Variants in ELP1 observed in about 807,000 individuals in gnomAD.
ELP1 encodes elongator complex protein 1.
Under a neutral mutation model 183.2 loss-of-function variants are expected in ELP1, and 131 were observed. That is an observed-to-expected ratio of 0.72 (90% CI 0.62 to 0.83). The LOEUF (loss-of-function observed/expected upper bound fraction) is 0.83. Ranked by LOEUF, ELP1 falls within the 40% of genes least tolerant of loss-of-function variation. ELP1 has a pLI of 0.00. For synonymous variants in ELP1, 555 were observed against 569.0 expected, an observed-to-expected ratio of 0.98 and a Z score of 0.35; for missense variants, 1,550 against 1,594.9, an observed-to-expected ratio of 0.97 and a Z score of 0.48.
chr9:108,900,487 T>G (rs2131989036), intron 18 of ELP1, 112 bp from the exon 19 acceptor site: 1 of 802,566 alleles, frequency 1.2e-6, no homozygotes, highest in Non-Finnish European at 2.2e-6. Context: ...ATAACAACCA[T>G]GTGCCTTAGC....
In ELP1 at chr9:108,878,684, C is replaced by T. The variant is rs377677858; in HGVS notation, c.3639G>A (p.Leu1213=). The change falls in exon 34 of 37, where the codon CTG becomes CTA. Residue 1213 remains leucine (L), a synonymous_variant. Transcript: ENST00000374647. The part of the protein sequence containing the change: ...KKHSLKEGSP[L]EDLALLEALS... ...GTGCCTCCAGGAGGGCCAGGTCCTCCAGCGGACTGCCTTCTTTGAGGCTGT... is the reference window on the plus strand; with the variant it reads ...GTGCCTCCAGGAGGGCCAGGTCCTCTAGCGGACTGCCTTCTTTGAGGCTGT... 1.3e-5 allele frequency: 21 copies of T among 1,614,096 alleles called. No homozygotes were observed. Among genetic ancestry groups the T allele is most frequent in the Non-Finnish European group, 1.6e-5 (19 of 1,180,034 alleles).
intron 6 of ELP1, among the ~76,000 whole-genome samples, chr9:108,921,114 A>ATT (rs200207034): frequency 6.6e-6 from 1 of 151,624 alleles, no homozygotes; most frequent in Non-Finnish European, 1.5e-5. Flanking sequence ...GCACCTTGGG[A>ATT]TTTTTTTTTG....
At chr9:108,914,272 G>A (rs886454346) in intron 10 of ELP1, among the ~76,000 whole-genome samples, 1 of 151,514 alleles carries the variant, frequency 6.6e-6, no homozygotes, top group African/African-American at 2.4e-5. Context: ...GGTGGCGGGC[G>A]CCTGTAGACC....
intron 5 of ELP1, 68 bp downstream of exon 5, chr9:108,926,455 T>A (rs1002449611): frequency 8.2e-7 from 1 of 1,213,452 alleles, no homozygotes; most frequent in Non-Finnish European, 1.2e-6. Flanking sequence ...TGGCTATTAG[T>A]GCACAAGGAA....
Position 108,878,770 on chromosome 9 carries a change from T to A in ELP1, c.3573-20A>T. ...GATCTCCTGTTAGAAATTACACAGATATTTTTAAGCCTCCTGAGTAGCTAG... is the reference window on the plus strand; with the variant it reads ...GATCTCCTGTTAGAAATTACACAGAAATTTTTAAGCCTCCTGAGTAGCTAG... On this transcript the variant is annotated intron_variant, in intron 33 of 36. Coordinates refer to ENST00000374647, the MANE Select transcript of ELP1 (RefSeq NM_003640.5). 1 of 1,613,152 alleles carries A rather than the reference T, an allele frequency of 6.2e-7. No homozygotes were observed. Among genetic ancestry groups the A allele is most frequent in the Non-Finnish European group, 8.5e-7 (1 of 1,179,900 alleles).
chr9:108,884,407 T>G (rs1195465165), intron 29 of ELP1, among the ~76,000 whole-genome samples: 1 of 152,154 alleles, frequency 6.6e-6, no homozygotes, highest in African/African-American at 2.4e-5. Context: ...CTAATCTAAC[T>G]GACATTTATA....
Position 108,922,939 on chromosome 9 carries a change from T to C in ELP1, c.467-12A>G, listed in dbSNP as rs1300230302. 4 of 1,591,884 alleles carry C rather than the reference T, an allele frequency of 2.5e-6. No homozygotes were observed. The African/African-American group carries it at 5.4e-5, about 21-fold the overall frequency. On this transcript the variant is annotated splice_polypyrimidine_tract_variant and intron_variant, in intron 5 of 36. Transcript: ENST00000374647. ...AGTGATAAACTTGCCTACAGAACAA[T>C]TGGCAAGACAACTAATAAGCCACAT...
intron 31 of ELP1, among the ~76,000 whole-genome samples, chr9:108,881,109 A>G (rs1027705393): frequency 6.6e-6 from 1 of 152,218 alleles, no homozygotes; most frequent in African/African-American, 2.4e-5. Flanking sequence ...CACAAACTTC[A>G]TTTGAAAAGG....
chr9:108,926,467 TG>T, intron 5 of ELP1, 55 bp downstream of exon 5: 1 of 1,349,886 alleles, frequency 7.4e-7, no homozygotes. Flanking sequence ...CACAAGGAAA[TG>T]GTCAAAAATG....
At chr9:108,884,323 CT>C (rs1249900739) in intron 29 of ELP1, among the ~76,000 whole-genome samples, 2 of 152,102 alleles carry the variant, frequency 1.3e-5, no homozygotes, top group Non-Finnish European at 2.9e-5. Flanking sequence ...GACTTCAACA[CT>C]TTCCCAGTCA....
Position 108,903,678 on chromosome 9 carries a change from A to G in ELP1, c.1644-9T>C. ...CCACCGCTGCAGATGAACTGACAAAAAAAAGGAGAAGGGAGTGTAAACAGA... is the reference window on the plus strand; with the variant it reads ...CCACCGCTGCAGATGAACTGACAAAGAAAAGGAGAAGGGAGTGTAAACAGA... On this transcript the variant is annotated splice_polypyrimidine_tract_variant and intron_variant, in intron 14 of 36. Transcript: ENST00000374647. 6.2e-7 allele frequency: 1 copy of G among 1,601,234 alleles called. No homozygotes were observed. The highest frequency in any genetic ancestry group is 1.7e-5 in the Admixed American group (1 of 59,990).
chr9:108,895,090 A>G (rs4341230), intron 25 of ELP1, among the ~76,000 whole-genome samples: 27,414 of 152,092 alleles, frequency 0.18, 3,218 homozygotes, highest in African/African-American at 0.33. Context: ...CAACAAAAAA[A>G]ATTCAAAACT....
chr9:108,894,186 T>C, intron 25 of ELP1, 120 bp from the exon 26 acceptor site: 3 of 578,660 alleles, frequency 5.2e-6, no homozygotes, highest in Non-Finnish European at 8.9e-6. Flanking sequence ...GTATTATATA[T>C]TAACTGCATA....
At chr9:108,889,875 T>A (rs569963486) in intron 28 of ELP1, among the ~76,000 whole-genome samples, 1 of 152,188 alleles carries the variant, frequency 6.6e-6, no homozygotes, top group Non-Finnish European at 1.5e-5. Context: ...CTCCAGTGCA[T>A]ATATCACTAA....
At position 108,867,818 on chromosome 9, in the gene ELP1, C is replaced by G. The variant is rs550189912; in HGVS notation, c.*1297G>C. 8 of 152,290 alleles carry G rather than the reference C, an allele frequency of 5.3e-5. No individual in the cohort carries two copies. Among genetic ancestry groups the G allele is most frequent in the Non-Finnish European group, 1.0e-4 (7 of 68,028 alleles). 9.4% of individuals were successfully genotyped at this position (152,290 alleles called of 1,614,324 possible). A position where few individuals can be genotyped will look rare whatever the true frequency, so the allele number is the denominator to read the frequency against. The stretch of plus-strand genomic sequence containing the variant: ...AAAGTTGAATTTTACAGTGAATACT[C>G]CTAGATTGATTCTATAGTTAACATC... On this transcript the variant is annotated 3_prime_UTR_variant, in exon 37 of 37. Transcript: ENST00000374647.
At chr9:108,921,971 C>T (rs1269505188) in intron 6 of ELP1, among the ~76,000 whole-genome samples, 1 of 152,120 alleles carries the variant, frequency 6.6e-6, no homozygotes, top group Non-Finnish European at 1.5e-5. Flanking sequence ...TTATGTTGTC[C>T]ACTTTACAGA....
chr9:108,893,942 C>A lies in ELP1; in HGVS notation c.2860+1G>T. On this transcript the variant is annotated splice_donor_variant, in intron 26 of 36. Transcript: ENST00000374647. LOFTEE classifies it high-confidence loss of function. ...ATAAACATACTAATCCCCACACTTA[C>A]CACATTTGCTGAGGTGGCCAATGGC... 4.3e-6 allele frequency: 7 copies of A among 1,613,786 alleles called. No homozygotes were observed. The highest frequency in any genetic ancestry group is 5.9e-6 in the Non-Finnish European group (7 of 1,179,860).
At chr9:108,876,978 G>A in intron 35 of ELP1, among the ~76,000 whole-genome samples, 1 of 152,154 alleles carries the variant, frequency 6.6e-6, no homozygotes, top group East Asian at 1.9e-4. Context: ...TGATCCGCCT[G>A]CCTTGGCCTC....
At chr9:108,901,582 A>C (rs1245742819) in intron 17 of ELP1, 46 bp downstream of exon 17, 1 of 1,611,828 alleles carries the variant, frequency 6.2e-7, no homozygotes, top group Admixed American at 1.7e-5. Context: ...GATTACTCGG[A>C]GCTAACACTG....
Sources: allele counts gnomAD v4.1 joint callset (sites outside exome capture counted in the v4.1 genomes callset), GRCh38; gene constraint gnomAD v4.1.1; transcripts MANE v1.5; gene names NCBI Gene and HGNC (gene_info 2026-07-23, HGNC 2026-07-21).